KLRD1: variants seen among roughly 807,000 people sequenced by gnomAD.
KLRD1 encodes the protein killer cell lectin like receptor D1, also known as natural killer cells antigen CD94.
In KLRD1, 21 loss-of-function variants were observed where a neutral mutation model predicts 22.6. The ratio of observed to expected loss-of-function variants is 0.93; its 90% CI spans 0.66 to 1.34. The LOEUF (loss-of-function observed/expected upper bound fraction) is 1.34. KLRD1 is among the 40% of genes most tolerant of loss of function. The probability of loss-of-function intolerance (pLI) is 0.00; values close to 1 mark genes in which losing one functional copy is unlikely to be tolerated. For missense variants in KLRD1, 183 were observed against 208.6 expected (o/e 0.88, Z 0.76); for synonymous variants, 59 against 71.1 (o/e 0.83, Z 0.85).
At chr12:10,268,294 A>G (rs187246160) in intron 1 of KLRD1, among the ~76,000 whole-genome samples, 1 of 152,348 alleles carries the variant, frequency 6.6e-6, no homozygotes, top group Admixed American at 6.5e-5. Context: ...TTCGGTCAAC[A>G]GATGCAGGGT....
chr12:10,275,180 G>A (rs1295362461), intron 1 of KLRD1, among the ~76,000 whole-genome samples: 5 of 152,088 alleles, frequency 3.3e-5, no homozygotes, highest in Admixed American at 1.3e-4. Context: ...GTGAGCCACC[G>A]TGCCTAGCCG....
At position 10,314,673 on chromosome 12, in the gene KLRD1, A is replaced by G. The variant is rs559464432; in HGVS notation, c.420A>G (p.Leu140=). ...GTGAACATTTTCTTCTTCATTACAG[A>G]TTTCCATCATTTGAAACTTTTAATA... The part of the protein sequence containing the change: ...WENGSALSQY[L]FPSFETFNTK... Residue 140 remains leucine (L), a splice_region_variant and synonymous_variant, in exon 6 of 6, where the codon CTA becomes CTG. Transcript: ENST00000336164. The G allele has an allele frequency of 1.3e-6, 2 of 1,559,776 alleles. No individual in the cohort carries two copies. Among genetic ancestry groups the G allele is most frequent in the Admixed American group, 4.0e-5 (2 of 50,230 alleles).
In KLRD1 at chr12:10,324,818, G is replaced by GTGTGTATATATATATATATATA. The variant is rs750696767; in HGVS notation, c.*10026_*10027insGTGTATATATATATATATATAT. ...AGTATATATGTATATGTGTGTGTGT[G>GTGTGTATATATATATATATATA]TATATATATATATATATATATATAT... On this transcript the variant is annotated 3_prime_UTR_variant, in exon 6 of 6. Coordinates refer to ENST00000336164, the MANE Select transcript of KLRD1 (RefSeq NM_002262.5). 1.8e-4 allele frequency: 13 copies of GTGTGTATATATATATATATATA among 74,152 alleles called. No homozygotes were observed. In the East Asian group the frequency reaches 2.3e-3, roughly 13 times the overall value. The allele number at this position is 74,152 out of a possible 1,614,324, so 4.6% of individuals were successfully genotyped here.
chr12:10,243,609 A>G lies in KLRD1; in HGVS notation c.-101+17376A>G, dbSNP rs1158459873. On this transcript the variant is annotated intron_variant, in intron 1 of 5. Coordinates refer to the KLRD1 transcript ENST00000544747. The stretch of plus-strand genomic sequence containing the variant: ...GCCTGGGCAACAGAGTGAGACTCCA[A>G]AAAAAAAAAAAAAAAAAAAAAAAAC... Among the ~76,000 whole-genome samples, 171 of 139,390 alleles carry G rather than the reference A, an allele frequency of 1.2e-3. 3 individuals carry two copies. The highest frequency in any genetic ancestry group is 1.9e-3 in the Non-Finnish European group (125 of 65,962). The allele number at this position is 139,390 out of a possible 152,430, so 91.4% of individuals were successfully genotyped here.
At chr12:10,304,443 T>C (rs559339326), upstream of KLRD1, 1 of 152,118 alleles carries the variant, frequency 6.6e-6, no homozygotes, top group Non-Finnish European at 1.5e-5. Context: ...TTTTATATAG[T>C]GTGTTTTGCT....
chr12:10,284,053 G>A (rs562835962), intron 1 of KLRD1, among the ~76,000 whole-genome samples: 1 of 151,696 alleles, frequency 6.6e-6, no homozygotes, highest in African/African-American at 2.4e-5. Context: ...TGGGCATGGT[G>A]GTGGGCGCTT....
chr12:10,287,152 C>T (rs1432744518), intron 1 of KLRD1, among the ~76,000 whole-genome samples: 1 of 146,238 alleles, frequency 6.8e-6, no homozygotes, highest in African/African-American at 2.5e-5. Flanking sequence ...AAAACAAAAC[C>T]CTCTTTTTTT....
chr12:10,319,947 C>A lies in KLRD1; in HGVS notation c.*5154C>A. 6.9e-6 allele frequency: 1 copy of A among 145,072 alleles called. No individual in the cohort carries two copies. The highest frequency in any genetic ancestry group is 1.5e-5 in the Non-Finnish European group (1 of 66,874). The allele number at this position is 145,072 out of a possible 1,614,324, so 9.0% of individuals were successfully genotyped here. ...GTGGGGCCATGTCGGCTCACTGCAA[C>A]TTCTGCCTCCTGGATTCAAGCAATT... On this transcript the variant is annotated 3_prime_UTR_variant, in exon 6 of 6. Coordinates refer to ENST00000336164, the MANE Select transcript of KLRD1 (RefSeq NM_002262.5).
chr12:10,282,970 A>G (rs1949660170), intron 1 of KLRD1, among the ~76,000 whole-genome samples: 1 of 152,214 alleles, frequency 6.6e-6, no homozygotes, highest in South Asian at 2.1e-4. Flanking sequence ...AGTGTAGTAG[A>G]TATTATTCAA....
At chr12:10,260,397 T>A (rs1592035049) in intron 1 of KLRD1, among the ~76,000 whole-genome samples, 1 of 152,308 alleles carries the variant, frequency 6.6e-6, no homozygotes, top group Middle Eastern at 3.4e-3. Context: ...TTATTCACCC[T>A]GCTGGAGTTC....
chr12:10,274,525 C>A (rs1036611309), intron 1 of KLRD1, among the ~76,000 whole-genome samples: 1 of 151,862 alleles, frequency 6.6e-6, no homozygotes, highest in African/African-American at 2.4e-5. Context: ...TTAATATAAC[C>A]CTTTAACACA....
At position 10,322,665 on chromosome 12, in the gene KLRD1, A is replaced by T. The variant is rs941483425; in HGVS notation, c.*7872A>T. The T allele has an allele frequency of 2.6e-5, 4 of 152,150 alleles. No homozygotes were observed. Among genetic ancestry groups the T allele is most frequent in the African/African-American group, 9.7e-5 (4 of 41,432 alleles). 9.4% of individuals were successfully genotyped at this position (152,150 alleles called of 1,614,324 possible). A position where few individuals can be genotyped will look rare whatever the true frequency, so the allele number is the denominator to read the frequency against. On this transcript the variant is annotated 3_prime_UTR_variant, in exon 6 of 6. Transcript: ENST00000336164. ...TTACACTAAATACTTCATTGATTAC[A>T]GTTTACCTCTTCATATATTTTAATT... is the stretch of plus-strand genomic sequence containing the variant.
intron 1 of KLRD1, among the ~76,000 whole-genome samples, chr12:10,255,754 T>G (rs1432647487): frequency 6.6e-6 from 1 of 152,206 alleles, no homozygotes; most frequent in Non-Finnish European, 1.5e-5. Flanking sequence ...GTCTAACATA[T>G]AGTCTGTCCT....
intron 1 of KLRD1, among the ~76,000 whole-genome samples, chr12:10,261,180 G>A (rs1022525874): frequency 6.6e-6 from 1 of 152,188 alleles, no homozygotes; most frequent in Non-Finnish European, 1.5e-5. Flanking sequence ...GTTATTCAAA[G>A]TGAAGTCTGG....
At chr12:10,283,393 G>A (rs1157556027) in intron 1 of KLRD1, among the ~76,000 whole-genome samples, 1 of 152,168 alleles carries the variant, frequency 6.6e-6, no homozygotes, top group Non-Finnish European at 1.5e-5. Flanking sequence ...GCGGAGAGTG[G>A]GGATAAGGTT....
At chr12:10,300,909 C>G (rs922128000), upstream of KLRD1, among the ~76,000 whole-genome samples, 5 of 152,204 alleles carry the variant, frequency 3.3e-5, no homozygotes, top group African/African-American at 1.2e-4. Flanking sequence ...CTTCATGACC[C>G]AAACTCTGCT....
intron 4 of KLRD1, 37 bp from the exon 5 acceptor site, chr12:10,313,373 A>C: frequency 8.1e-7 from 1 of 1,241,974 alleles, no homozygotes; most frequent in Non-Finnish European, 1.2e-6. Context: ...GAATAGATTA[A>C]AATTAGATTA....
chr12:10,319,264 C>T lies in KLRD1; in HGVS notation c.*4471C>T, dbSNP rs1191381841. 1 of 152,190 alleles carries T rather than the reference C, an allele frequency of 6.6e-6. No individual in the cohort carries two copies. The highest frequency in any genetic ancestry group is 2.4e-5 in the African/African-American group (1 of 41,454). The allele number at this position is 152,190 out of a possible 1,614,324, so 9.4% of individuals were successfully genotyped here. ...CTCTGCTTTATTCTTTTCCAGGTCA[C>T]TTCTTACCAGTTGTAAATGTACTTA... On this transcript the variant is annotated 3_prime_UTR_variant, in exon 6 of 6. Transcript: ENST00000336164.
At chr12:10,279,506 A>G (rs1433024079) in intron 1 of KLRD1, among the ~76,000 whole-genome samples, 2 of 152,172 alleles carry the variant, frequency 1.3e-5, no homozygotes, top group Non-Finnish European at 2.9e-5. Flanking sequence ...TCAAGATTGT[A>G]AAGGATTCTG....
Sources: allele counts gnomAD v4.1 joint callset (sites outside exome capture counted in the v4.1 genomes callset), GRCh38; gene constraint gnomAD v4.1.1; transcripts MANE v1.5; gene names NCBI Gene and HGNC (gene_info 2026-07-23, HGNC 2026-07-21).